The following BCAS3 variants were observed in gnomAD, a reference collection of about 807,000 sequenced individuals.
BCAS3 encodes BCAS3 microtubule associated cell migration factor.
A neutral mutation model predicts 116.1 loss-of-function variants in BCAS3; 53 were observed. The observed-to-expected ratio is 0.46, with a 90% CI of 0.37 to 0.57. BCAS3 has a LOEUF of 0.57. Ranked by LOEUF, BCAS3 falls within the 20% of genes least tolerant of loss-of-function variation. The pLI, the probability that BCAS3 is intolerant of heterozygous loss-of-function variation, is 0.00. For synonymous variants in BCAS3, 391 were observed against 408.2 expected, an observed-to-expected ratio of 0.96 and a Z score of 0.51; for missense variants, 917 against 1,165.4, an observed-to-expected ratio of 0.79 and a Z score of 3.10.
At position 61,327,801 on chromosome 17, in the gene BCAS3, C is replaced by T. The variant is rs752328037; in HGVS notation, c.2426-40526C>T. On this transcript the variant is annotated intron_variant, in intron 22 of 23. Transcript: ENST00000407086. This position sits in a 1 kb window ranked among gnomAD's most constrained non-coding sequence, Gnocchi z 5.9. ...GTGGAATTACAGGCATGAGCCACTG[C>T]GCCCTGCCCAAGATCTGACTGAATA... is the stretch of plus-strand genomic sequence containing the variant. Among the ~76,000 whole-genome samples, 39 of 152,296 alleles carry T rather than the reference C, an allele frequency of 2.6e-4. No individual in the cohort carries two copies. Among genetic ancestry groups the T allele is most frequent in the Admixed American group, 1.0e-3 (16 of 15,302 alleles).
At chr17:61,246,133 A>G (rs1307587021) in intron 22 of BCAS3, among the ~76,000 whole-genome samples, 3 of 152,156 alleles carry the variant, frequency 2.0e-5, no homozygotes, top group Non-Finnish European at 4.4e-5. Context: ...TCACGACCTC[A>G]TAACTGATCT....
Position 61,265,240 on chromosome 17 carries a change from C to T in BCAS3, c.2426-103087C>T, listed in dbSNP as rs984674037. On this transcript the variant is annotated intron_variant, in intron 22 of 23. Transcript: ENST00000407086. The surrounding 1 kb of genome is among the most constrained non-coding windows in gnomAD (Gnocchi z 4.3). ...ACCAGCCTGACCAACATGGAGAAAC[C>T]CTGTCTCTGCTAAAAATACAAAATT... Among the ~76,000 whole-genome samples, 3 of 152,034 alleles carry T rather than the reference C, an allele frequency of 2.0e-5. No homozygotes were observed. Among genetic ancestry groups the T allele is most frequent in the Admixed American group, 2.0e-4 (3 of 15,256 alleles).
intron 22 of BCAS3, among the ~76,000 whole-genome samples, chr17:61,359,481 C>A (rs2058333776): frequency 7.3e-6 from 1 of 136,892 alleles, no homozygotes. Flanking sequence ...TGGTTAACAT[C>A]AGGTTACTTC....
In BCAS3 at chr17:61,156,549, T is replaced by C. The variant is rs946708540; in HGVS notation, c.2425+71985T>C. ...TGAGGTTGGAACGGGCTTGCTTCTC[T>C]CTCTCACCTTCTCCCTACCCAACCC... On this transcript the variant is annotated intron_variant, in intron 22 of 23. Transcript: ENST00000407086. The surrounding 1 kb of genome is among the most constrained non-coding windows in gnomAD (Gnocchi z 4.7). Among the ~76,000 whole-genome samples, 36 of 152,316 alleles carry C rather than the reference T, an allele frequency of 2.4e-4. No homozygotes were observed. The Middle Eastern group carries it at 0.02, about 86-fold the overall frequency.
rs1025925928 is a variant in BCAS3 at position 61,265,383 on chromosome 17, A to G, written c.2426-102944A>G. 5.3e-5 allele frequency among the ~76,000 whole-genome samples: 8 copies of G among 151,964 alleles called. No individual in the cohort carries two copies. The highest frequency in any genetic ancestry group is 1.0e-4 in the Non-Finnish European group (7 of 67,984). On this transcript the variant is annotated intron_variant, in intron 22 of 23. Coordinates refer to ENST00000407086, the MANE Select transcript of BCAS3 (RefSeq NM_017679.5). The surrounding 1 kb of genome is among the most constrained non-coding windows in gnomAD (Gnocchi z 4.3). The stretch of plus-strand genomic sequence containing the variant: ...CGCACCATTGCACTCCAGCCTGGGT[A>G]ACAAGAGTGAAACTCTGTCTCAAGA...
rs2063442775 is a variant in BCAS3, at chr17:60,990,297, G to T, written c.1486+62G>T. The T allele has an allele frequency of 6.5e-7, 1 of 1,547,658 alleles. No individual in the cohort carries two copies. The highest frequency in any genetic ancestry group is 1.4e-5 in the African/African-American group (1 of 72,754). Reference sequence around the variant, plus strand: ...CCTTCCCTTTGTCCTTATTTTTACAGATCTGGGATAAAACTAAACTTGTTA... The same window carrying T: ...CCTTCCCTTTGTCCTTATTTTTACATATCTGGGATAAAACTAAACTTGTTA... On this transcript the variant is annotated intron_variant, in intron 15 of 23. Transcript: ENST00000407086. The surrounding 1 kb of genome is among the most constrained non-coding windows in gnomAD (Gnocchi z 5.1).
chr17:61,246,792 AGTGTGT>A (rs61382195), intron 22 of BCAS3, among the ~76,000 whole-genome samples: 9,390 of 144,184 alleles, frequency 0.065, 324 homozygotes, highest in Middle Eastern at 0.12. Context: ...TTTGAGTGAG[AGTGTGT>A]GTGTGTGTGT....
intron 22 of BCAS3, among the ~76,000 whole-genome samples, chr17:61,342,305 C>T (rs1209647865): frequency 6.6e-6 from 1 of 152,236 alleles, no homozygotes; most frequent in African/African-American, 2.4e-5. Flanking sequence ...GTCACTTCCC[C>T]ACCTTGTGTG....
Position 61,041,028 on chromosome 17 carries a change from T to C in BCAS3, c.2029+136T>C. On this transcript the variant is annotated intron_variant, in intron 19 of 23. Coordinates refer to ENST00000407086, the MANE Select transcript of BCAS3 (RefSeq NM_017679.5). The surrounding 1 kb of genome is among the most constrained non-coding windows in gnomAD (Gnocchi z 4.7). The stretch of plus-strand genomic sequence containing the variant: ...AAGAATCAGTTTGAGGCAAATAAGA[T>C]ATTTAATATGAATATAAACTGTAAG... The C allele has an allele frequency of 1.5e-6, 1 of 649,590 alleles. No individual in the cohort carries two copies. The highest frequency in any genetic ancestry group is 2.7e-6 in the Non-Finnish European group (1 of 377,274). 40.2% of individuals were successfully genotyped at this position (649,590 alleles called of 1,614,324 possible).
At position 60,874,728 on chromosome 17, in the gene BCAS3, CTT is replaced by C; in HGVS notation, c.653_654del (p.Phe218CysfsTer53). The C allele has an allele frequency of 6.2e-7, 1 of 1,608,636 alleles. No individual in the cohort carries two copies. The highest frequency in any genetic ancestry group is 8.5e-7 in the Non-Finnish European group (1 of 1,176,972). On this transcript the variant is annotated frameshift_variant, in exon 9 of 24. Transcript: ENST00000407086. LOFTEE classifies it high-confidence loss of function. ...ATAGCTGTACTTTCACGAAGAAATTCTTTGTTACAAGTATGTACCAATTTTTT... is the reference window on the plus strand; with the variant it reads ...ATAGCTGTACTTTCACGAAGAAATTCTGTTACAAGTATGTACCAATTTTTT... ...FDSCTFTKKF[F>X]VTSCYPCPGP...
In BCAS3 at chr17:61,203,669, C is replaced by A. The variant is rs1027590994; in HGVS notation, c.2425+119105C>A. On this transcript the variant is annotated intron_variant, in intron 22 of 23. Coordinates refer to ENST00000407086, the MANE Select transcript of BCAS3 (RefSeq NM_017679.5). The surrounding 1 kb of genome is among the most constrained non-coding windows in gnomAD (Gnocchi z 5.7). ...GGAAACTTTGAGCTACATATTTTGC[C>A]TTCCGTTCATCTTTGTAACCATTTT... 6.6e-6 allele frequency among the ~76,000 whole-genome samples: 1 copy of A among 152,100 alleles called. No homozygotes were observed. Among genetic ancestry groups the A allele is most frequent in the African/African-American group, 2.4e-5 (1 of 41,418 alleles).
intron 22 of BCAS3, among the ~76,000 whole-genome samples, chr17:61,292,848 T>TA (rs768536457): frequency 4.6e-5 from 7 of 152,190 alleles, no homozygotes; most frequent in Admixed American, 2.6e-4. Flanking sequence ...ATTTCATTTT[T>TA]AAAAAATCTG....
intron 22 of BCAS3, among the ~76,000 whole-genome samples, chr17:61,254,061 C>T (rs1488052773): frequency 6.6e-6 from 1 of 152,146 alleles, no homozygotes; most frequent in African/African-American, 2.4e-5. Context: ...ACTTAAAACC[C>T]TCATTTTGAC....
chr17:61,020,307 C>A lies in BCAS3; in HGVS notation c.1637+4406C>A, dbSNP rs900782066. ...GTGTCAGGGACCATCTGTCTCACTGCGAGACATACATGAGGCCAGTAGAAC... is the reference window on the plus strand; with the variant it reads ...GTGTCAGGGACCATCTGTCTCACTGAGAGACATACATGAGGCCAGTAGAAC... On this transcript the variant is annotated intron_variant, in intron 16 of 23. Coordinates refer to ENST00000407086, the MANE Select transcript of BCAS3 (RefSeq NM_017679.5). This position sits in a 1 kb window ranked among gnomAD's most constrained non-coding sequence, Gnocchi z 4.5. 1.3e-5 allele frequency among the ~76,000 whole-genome samples: 2 copies of A among 152,126 alleles called. No homozygotes were observed. Among genetic ancestry groups the A allele is most frequent in the Admixed American group, 1.3e-4 (2 of 15,276 alleles).
chr17:60,879,293 AG>A (rs2055896995), intron 9 of BCAS3, among the ~76,000 whole-genome samples: 1 of 152,212 alleles, frequency 6.6e-6, no homozygotes, highest in Non-Finnish European at 1.5e-5. Context: ...TAGTTTGAAA[AG>A]GTTTTGTATA....
At chr17:60,741,173 A>G (rs375871932) in intron 5 of BCAS3, among the ~76,000 whole-genome samples, 7 of 151,914 alleles carry the variant, frequency 4.6e-5, no homozygotes, top group African/African-American at 1.5e-4. Context: ...TGTCTCTCCA[A>G]TTTTTGGGGC....
intron 16 of BCAS3, among the ~76,000 whole-genome samples, chr17:61,024,841 C>T (rs543998461): frequency 6.6e-6 from 1 of 151,890 alleles, no homozygotes; most frequent in East Asian, 1.9e-4. Context: ...AATGGAAAAA[C>T]CTTTTAAGTA....
intron 22 of BCAS3, among the ~76,000 whole-genome samples, chr17:61,272,429 T>TCTC (rs1602333763): frequency 6.6e-6 from 1 of 151,716 alleles, no homozygotes; most frequent in East Asian, 1.9e-4. Flanking sequence ...GCTCAGGAGC[T>TCTC]CGAGACCATC....
intron 9 of BCAS3, among the ~76,000 whole-genome samples, chr17:60,886,080 A>G (rs1489888105): frequency 8.8e-6 from 1 of 113,638 alleles, no homozygotes; most frequent in Non-Finnish European, 1.7e-5. Flanking sequence ...TTTCAGGTAC[A>G]CCAATCAGAC....
Sources: allele counts gnomAD v4.1 joint callset (sites outside exome capture counted in the v4.1 genomes callset), GRCh38; gene constraint gnomAD v4.1.1; non-coding constraint Gnocchi (gnomAD v3.1); transcripts MANE v1.5; gene names NCBI Gene and HGNC (gene_info 2026-07-23, HGNC 2026-07-21).